The following UCK2 variants were observed in gnomAD, a reference collection of about 807,000 sequenced individuals.
UCK2 encodes the protein uridine-cytidine kinase 2.
In UCK2, 6 loss-of-function variants were observed where a neutral mutation model predicts 30.8. The observed-to-expected ratio is 0.19, with a 90% CI of 0.11 to 0.38. The LOEUF is 0.38. UCK2 is among the 10% of genes least tolerant of loss of function. UCK2 has a pLI of 1.00. For synonymous variants in UCK2, 125 were observed against 133.6 expected, an observed-to-expected ratio of 0.94 and a Z score of 0.45; for missense variants, 210 against 339.8, an observed-to-expected ratio of 0.62 and a Z score of 3.00.
chr1:165,836,500 T>C (rs1464243585), intron 1 of UCK2, among the ~76,000 whole-genome samples: 1 of 152,204 alleles, frequency 6.6e-6, no homozygotes, highest in African/African-American at 2.4e-5. Flanking sequence ...TATGTCAAAA[T>C]ACAGTGGATT....
At chr1:165,855,053 C>T (rs1274152829) in intron 1 of UCK2, among the ~76,000 whole-genome samples, 1 of 152,160 alleles carries the variant, frequency 6.6e-6, no homozygotes, top group Non-Finnish European at 1.5e-5. Flanking sequence ...GGAAAATTAC[C>T]ATTGCTACAT....
chr1:165,873,308 G>A (rs763937389), intron 1 of UCK2, among the ~76,000 whole-genome samples: 2 of 152,198 alleles, frequency 1.3e-5, no homozygotes, highest in Non-Finnish European at 2.9e-5. Context: ...GGAATATCTT[G>A]CCCACATAGG....
intron 1 of UCK2, among the ~76,000 whole-genome samples, chr1:165,872,025 C>CT (rs146560615): frequency 0.39 from 57,075 of 147,204 alleles, 11,144 homozygotes; most frequent in African/African-American, 0.46. Flanking sequence ...TATACATAGT[C>CT]TTTTTTTTTT....
chr1:165,893,180 A>G (rs1440557317), intron 3 of UCK2, among the ~76,000 whole-genome samples: 1 of 152,202 alleles, frequency 6.6e-6, no homozygotes. Flanking sequence ...GACAGGAGCC[A>G]GGGCCTGACC....
At chr1:165,829,189 T>C (rs1470584955) in intron 1 of UCK2, among the ~76,000 whole-genome samples, 1 of 152,126 alleles carries the variant, frequency 6.6e-6, no homozygotes, top group Non-Finnish European at 1.5e-5. Context: ...CGTCCGTAGC[T>C]CCCGGGGTTA....
chr1:165,844,353 G>A (rs1490346283), intron 1 of UCK2, among the ~76,000 whole-genome samples: 1 of 152,216 alleles, frequency 6.6e-6, no homozygotes, highest in Non-Finnish European at 1.5e-5. Context: ...GTGGTACTGT[G>A]ATATAATAAG....
chr1:165,861,950 C>T (rs919593969), intron 1 of UCK2, among the ~76,000 whole-genome samples: 9 of 152,186 alleles, frequency 5.9e-5, no homozygotes, highest in African/African-American at 2.2e-4. Flanking sequence ...TGATAATTAG[C>T]TGGCAGTCCT....
intron 1 of UCK2, among the ~76,000 whole-genome samples, chr1:165,842,029 T>G (rs1191171510): frequency 6.6e-6 from 1 of 152,216 alleles, no homozygotes; most frequent in Non-Finnish European, 1.5e-5. Flanking sequence ...CTTGCTAAAG[T>G]CACCAGTAAT....
intron 1 of UCK2, among the ~76,000 whole-genome samples, chr1:165,838,410 G>GGCATCTTT (rs1654247616): frequency 6.6e-6 from 1 of 152,054 alleles, no homozygotes; most frequent in Non-Finnish European, 1.5e-5. Context: ...ATTCTGCCAG[G>GGCATCTTT]GCATCTCTTG....
chr1:165,837,104 C>T (rs1463367603), intron 1 of UCK2, among the ~76,000 whole-genome samples: 1 of 152,150 alleles, frequency 6.6e-6, no homozygotes, highest in Non-Finnish European at 1.5e-5. Flanking sequence ...GTGGTGCCTC[C>T]AAGATGCAAA....
intron 1 of UCK2, among the ~76,000 whole-genome samples, chr1:165,860,742 G>A (rs969115085): frequency 2.0e-5 from 3 of 152,056 alleles, no homozygotes; most frequent in East Asian, 1.9e-4. Flanking sequence ...GAGCCACAGC[G>A]CCCCGCCCCA....
At chr1:165,837,830 G>C (rs1654233223) in intron 1 of UCK2, among the ~76,000 whole-genome samples, 2 of 151,976 alleles carry the variant, frequency 1.3e-5, no homozygotes, top group African/African-American at 4.8e-5. Flanking sequence ...TTCCAATATT[G>C]AACTCCTCAT....
chr1:165,877,629 G>A (rs1388023349), intron 1 of UCK2, among the ~76,000 whole-genome samples: 1 of 152,168 alleles, frequency 6.6e-6, no homozygotes, highest in Non-Finnish European at 1.5e-5. Context: ...ATAGTCCATT[G>A]TATGGATATA....
At chr1:165,843,137 G>A (rs1040153510) in intron 1 of UCK2, among the ~76,000 whole-genome samples, 1 of 152,076 alleles carries the variant, frequency 6.6e-6, no homozygotes, top group Non-Finnish European at 1.5e-5. Context: ...AGTAGACTGA[G>A]TTTCAGGTCA....
chr1:165,891,650 A>C (rs1008373591), intron 3 of UCK2: 2 of 252,880 alleles, frequency 7.9e-6, no homozygotes, highest in African/African-American at 4.5e-5. Context: ...AACAAGATGT[A>C]AGGGGAGGGG....
intron 3 of UCK2, chr1:165,894,097 C>A (rs757651073): frequency 6.6e-6 from 1 of 152,090 alleles, no homozygotes; most frequent in African/African-American, 2.4e-5. Context: ...TGTAGATCCT[C>A]TCTCCCCCTG....
chr1:165,873,301 A>G (rs1013187669), intron 1 of UCK2, among the ~76,000 whole-genome samples: 1 of 152,234 alleles, frequency 6.6e-6, no homozygotes, highest in Non-Finnish European at 1.5e-5. Context: ...CACTGGAGGA[A>G]TATCTTGCCC....
intron 1 of UCK2, among the ~76,000 whole-genome samples, chr1:165,871,987 TTCCAG>T (rs1655205875): frequency 6.6e-6 from 1 of 151,440 alleles, no homozygotes; most frequent in South Asian, 2.1e-4. Context: ...AACAAACCAG[TTCCAG>T]AAGAACAGAA....
intron 1 of UCK2, among the ~76,000 whole-genome samples, 174 bp downstream of exon 1, chr1:165,828,106 C>T (rs1467599492): frequency 6.6e-6 from 1 of 150,830 alleles, no homozygotes; most frequent in African/African-American, 2.4e-5. Flanking sequence ...GGCGCTGCGG[C>T]GGGGGCAGGC....
Sources: allele counts gnomAD v4.1 joint callset (sites outside exome capture counted in the v4.1 genomes callset), GRCh38; gene constraint gnomAD v4.1.1; transcripts MANE v1.5; gene names NCBI Gene and HGNC (gene_info 2026-07-23, HGNC 2026-07-21).